GSE1: variants seen among roughly 807,000 people sequenced by gnomAD.
GSE1 encodes the protein Gse1 coiled-coil protein.
Under a neutral mutation model 112.6 loss-of-function variants are expected in GSE1, and 32 were observed. The ratio of observed to expected loss-of-function variants is 0.28; its 90% CI spans 0.21 to 0.38. The LOEUF is 0.38. Ranked by LOEUF, GSE1 falls within the 10% of genes least tolerant of loss-of-function variation. The pLI is 1.00. For missense variants in GSE1, 2,348 were observed against 1,699.2 expected (o/e 1.38, Z -6.71); for synonymous variants, 1,115 against 735.6 (o/e 1.52, Z -8.35).
intron 1 of GSE1, among the ~76,000 whole-genome samples, chr16:85,317,072 C>G (rs750488794): frequency 6.6e-6 from 1 of 152,210 alleles, no homozygotes; most frequent in Non-Finnish European, 1.5e-5. Context: ...GTCTCTGCTC[C>G]ATCTTGCCAT....
At chr16:85,467,831 G>A (rs2050168223) in intron 2 of GSE1, among the ~76,000 whole-genome samples, 1 of 152,244 alleles carries the variant, frequency 6.6e-6, no homozygotes, top group African/African-American at 2.4e-5. Context: ...CCTGCTAGGG[G>A]TGTTGGAGTT....
chr16:85,650,466 T>C (rs1300916068), intron 3 of GSE1, among the ~76,000 whole-genome samples: 2 of 152,184 alleles, frequency 1.3e-5, no homozygotes, highest in Non-Finnish European at 2.9e-5. Flanking sequence ...AGCCACTGCC[T>C]TGACCCCGAC....
At position 85,478,903 on chromosome 16, in the gene GSE1, CTTTCTTTCTTTCTTTCTT is replaced by C. The variant is rs2050567917; in HGVS notation, c.2464+121262_2464+121279del. 4.6e-4 allele frequency among the ~76,000 whole-genome samples: 31 copies of C among 67,608 alleles called. 2 individuals are homozygous for C. Among genetic ancestry groups the C allele is most frequent in the African/African-American group, 2.1e-3 (30 of 14,294 alleles). The allele number at this position is 67,608 out of a possible 152,430, so 44.4% of individuals were successfully genotyped here. A position where few individuals can be genotyped will look rare whatever the true frequency, so the allele number is the denominator to read the frequency against. On this transcript the variant is annotated intron_variant, in intron 2 of 2. Transcript: ENST00000637419. ...TCTTTCTTTCTTTCTTTCTTTCTTT[CTTTCTTTCTTTCTTTCTT>C]TCTTTCTCTTTCTTTCTTTCTTTCT...
intron 2 of GSE1, among the ~76,000 whole-genome samples, chr16:85,408,788 T>G (rs1467647843): frequency 1.3e-4 from 4 of 29,800 alleles, no homozygotes; most frequent in African/African-American, 3.0e-4. Context: ...AGGGTCCCTC[T>G]GATAATCCTC....
chr16:85,363,646 C>T (rs2047128163), intron 2 of GSE1, among the ~76,000 whole-genome samples: 1 of 152,180 alleles, frequency 6.6e-6, no homozygotes, highest in Non-Finnish European at 1.5e-5. Context: ...GTTTTCCCAC[C>T]AGAGGGTGCA....
rs1459983893 is a variant in GSE1 at position 85,377,925 on chromosome 16, T to A, written c.2464+20282T>A. Among the ~76,000 whole-genome samples the A allele has an allele frequency of 4.6e-5, 7 of 152,366 alleles. No individual in the cohort carries two copies. In the East Asian group the frequency reaches 1.4e-3, roughly 29 times the overall value. Reference sequence around the variant, plus strand: ...GGAAACCGCAGGGCCTGGCCGCTCCTTGGGCAGCCTCTCAGCCTTATCTTG... The same window carrying A: ...GGAAACCGCAGGGCCTGGCCGCTCCATGGGCAGCCTCTCAGCCTTATCTTG... On this transcript the variant is annotated intron_variant, in intron 2 of 2. Transcript: ENST00000637419.
At chr16:85,461,175 T>C (rs970416180) in intron 2 of GSE1, among the ~76,000 whole-genome samples, 5 of 152,246 alleles carry the variant, frequency 3.3e-5, no homozygotes, top group African/African-American at 1.2e-4. Flanking sequence ...TTTCTTAACC[T>C]TGGGACTGTT....
intron 2 of GSE1, 100 bp from the exon 3 acceptor site, chr16:85,648,452 C>T: frequency 1.6e-6 from 1 of 641,062 alleles, no homozygotes; most frequent in South Asian, 2.0e-5. Flanking sequence ...TCTGGGGCCT[C>T]ACTTGGAGCA....
chr16:85,205,942 A>C (rs2075107270), intron 1 of GSE1, among the ~76,000 whole-genome samples: 1 of 152,202 alleles, frequency 6.6e-6, no homozygotes, highest in African/African-American at 2.4e-5. Context: ...AAAGCCAGAC[A>C]CAGCTCCTCC....
chr16:85,170,996 A>G (rs1333657853), exon 1 of GSE1: 2 of 985,350 alleles, frequency 2.0e-6, no homozygotes, highest in African/African-American at 3.5e-5. Flanking sequence ...TGTACCCCGG[A>G]TGCCCGGGCG....
At chr16:85,561,114 A>C (rs915653527) in intron 1 of GSE1, among the ~76,000 whole-genome samples, 1 of 151,812 alleles carries the variant, frequency 6.6e-6, no homozygotes, top group South Asian at 2.1e-4. Context: ...CCTGGGTGAC[A>C]GTGAGACCTT....
chr16:85,384,450 G>A (rs2047640109), intron 2 of GSE1, among the ~76,000 whole-genome samples: 1 of 152,158 alleles, frequency 6.6e-6, no homozygotes, highest in Admixed American at 6.5e-5. Context: ...ATCTATACAT[G>A]GGACCAAGGA....
intron 2 of GSE1, among the ~76,000 whole-genome samples, chr16:85,509,108 C>T (rs1048866663): frequency 6.6e-6 from 1 of 152,138 alleles, no homozygotes; most frequent in Non-Finnish European, 1.5e-5. Context: ...TGGTGAGGGG[C>T]GAGACACGGA....
intron 2 of GSE1, among the ~76,000 whole-genome samples, chr16:85,507,517 G>C (rs904565454): frequency 6.6e-6 from 1 of 152,344 alleles, no homozygotes; most frequent in East Asian, 1.9e-4. Flanking sequence ...CCACACTCTG[G>C]CTTGAACAAT....
In GSE1 at chr16:85,513,382, C is replaced by T. The variant is rs527861400; in HGVS notation, c.2465-120532C>T. Among the ~76,000 whole-genome samples the T allele has an allele frequency of 2.0e-5, 3 of 152,244 alleles. No homozygotes were observed. The East Asian group carries it at 5.8e-4, about 29-fold the overall frequency. ...CCACTGCCCTACCGTCTCTGTGCCCCCATTTGCTCCTGAGTATTGTGGGAA... is the reference window on the plus strand; with the variant it reads ...CCACTGCCCTACCGTCTCTGTGCCCTCATTTGCTCCTGAGTATTGTGGGAA... On this transcript the variant is annotated intron_variant, in intron 2 of 2. Coordinates refer to the GSE1 transcript ENST00000637419.
At chr16:85,583,088 C>A (rs1046532502) in intron 1 of GSE1, among the ~76,000 whole-genome samples, 2 of 152,118 alleles carry the variant, frequency 1.3e-5, no homozygotes, top group Non-Finnish European at 1.5e-5. Flanking sequence ...CAGAGGACAC[C>A]CTCCTGCGAG....
chr16:85,550,099 A>T (rs112694691), intron 2 of GSE1, among the ~76,000 whole-genome samples: 3 of 152,166 alleles, frequency 2.0e-5, no homozygotes, highest in African/African-American at 7.2e-5. Flanking sequence ...CCTGGAGTGC[A>T]GGGGTGATTC....
chr16:85,649,402 C>T (rs949334174), intron 3 of GSE1, among the ~76,000 whole-genome samples: 1 of 152,192 alleles, frequency 6.6e-6, no homozygotes, highest in Non-Finnish European at 1.5e-5. Flanking sequence ...TAGGAAAGAT[C>T]CCAGCCCAGA....
intron 1 of GSE1, chr16:85,593,686 G>C (rs1038970730): frequency 6.6e-6 from 1 of 151,206 alleles, no homozygotes; most frequent in African/African-American, 2.4e-5. Context: ...AATTTTATTC[G>C]CTGGGCTCCA....
Sources: gnomAD v4.1 joint callset for allele counts (sites outside exome capture counted in the v4.1 genomes callset) on GRCh38, gnomAD v4.1.1 for gene constraint, MANE v1.5 for transcripts, NCBI Gene and HGNC (gene_info 2026-07-23, HGNC 2026-07-21) for gene names.